The following ST6GAL1 variants were observed in gnomAD, a reference collection of about 807,000 sequenced individuals.
ST6GAL1 encodes the protein beta-galactoside alpha-2,6-sialyltransferase 1.
A neutral mutation model predicts 38.0 loss-of-function variants in ST6GAL1; 20 were observed. The observed-to-expected ratio is 0.53, with a 90% CI of 0.37 to 0.77. The LOEUF (loss-of-function observed/expected upper bound fraction) is 0.77, where lower values mean the gene tolerates loss of function less well. Ranked by LOEUF, ST6GAL1 falls within the 30% of genes least tolerant of loss-of-function variation. The pLI, the probability that ST6GAL1 is intolerant of heterozygous loss-of-function variation, is 0.00. For missense variants in ST6GAL1, 432 were observed against 496.4 expected (o/e 0.87, Z 1.23); for synonymous variants, 196 against 188.2 (o/e 1.04, Z -0.34).
At chr3:186,975,622 C>G (rs1295058897) in intron 2 of ST6GAL1, among the ~76,000 whole-genome samples, 1 of 152,204 alleles carries the variant, frequency 6.6e-6, no homozygotes, top group Non-Finnish European at 1.5e-5. Flanking sequence ...TTTGTACTCT[C>G]CCATCCACTT....
intron 2 of ST6GAL1, among the ~76,000 whole-genome samples, chr3:186,975,708 CTG>C (rs1241353245): frequency 6.6e-6 from 1 of 152,194 alleles, no homozygotes; most frequent in African/African-American, 2.4e-5. Context: ...AAACAGAACA[CTG>C]TACCCATGAA....
chr3:187,011,577 C>T (rs4686836), intron 2 of ST6GAL1, among the ~76,000 whole-genome samples: 111,963 of 152,038 alleles, frequency 0.74, 41,678 homozygotes, highest in South Asian at 0.84. Context: ...GAAACAACCT[C>T]CTGCTCTTTT....
chr3:186,945,547 G>A (rs901734995), intron 1 of ST6GAL1, among the ~76,000 whole-genome samples: 8 of 152,076 alleles, frequency 5.3e-5, no homozygotes, highest in South Asian at 2.1e-4. Flanking sequence ...CTCTTAATCC[G>A]TTCAAATAGA....
chr3:187,069,657 G>T (rs149452136), intron 5 of ST6GAL1, among the ~76,000 whole-genome samples: 8 of 152,240 alleles, frequency 5.3e-5, no homozygotes, highest in African/African-American at 1.9e-4. Context: ...AGCATGTTTA[G>T]ATCTTCCTTA....
chr3:186,967,322 G>T (rs1410636348), intron 2 of ST6GAL1, among the ~76,000 whole-genome samples: 1 of 152,172 alleles, frequency 6.6e-6, no homozygotes, highest in Non-Finnish European at 1.5e-5. Flanking sequence ...CTCCCAAGTA[G>T]CTGAGATTAC....
chr3:187,018,526 G>A (rs888452251), intron 2 of ST6GAL1, among the ~76,000 whole-genome samples: 1 of 152,146 alleles, frequency 6.6e-6, no homozygotes, highest in African/African-American at 2.4e-5. Context: ...TCTGATGTTC[G>A]AGGGCAGGAA....
intron 1 of ST6GAL1, among the ~76,000 whole-genome samples, chr3:186,940,869 G>GTCCATCATTT (rs1445985822): frequency 6.9e-6 from 1 of 145,926 alleles, no homozygotes; most frequent in Admixed American, 7.0e-5. Flanking sequence ...GGACATTTAT[G>GTCCATCATTT]TATTCCCATA....
intron 2 of ST6GAL1, among the ~76,000 whole-genome samples, chr3:187,030,634 G>A (rs904678244): frequency 1.3e-5 from 2 of 151,966 alleles, no homozygotes; most frequent in African/African-American, 2.4e-5. Flanking sequence ...AGGTTTCACC[G>A]TGTTGGCTAG....
chr3:187,067,081 C>CTTTTTTTTTTTTTTTTTTTT (rs763013682), intron 5 of ST6GAL1, among the ~76,000 whole-genome samples: 10 of 93,036 alleles, frequency 1.1e-4, no homozygotes, highest in Non-Finnish European at 1.4e-4. Flanking sequence ...TTCTTTCTTT[C>CTTTTTTTTTTTTTTTTTTTT]TTTTTTTTTT....
chr3:186,961,311 A>G (rs1268198981), intron 1 of ST6GAL1, among the ~76,000 whole-genome samples: 3 of 152,066 alleles, frequency 2.0e-5, no homozygotes, highest in Non-Finnish European at 2.9e-5. Flanking sequence ...TTTGCTTGTC[A>G]TGGTTCCACC....
intron 5 of ST6GAL1, among the ~76,000 whole-genome samples, chr3:187,064,991 G>A (rs2108597363): frequency 7.1e-6 from 1 of 141,062 alleles, no homozygotes; most frequent in Admixed American, 7.5e-5. Flanking sequence ...CCTGACAGCA[G>A]CTCTCTTCTT....
intron 2 of ST6GAL1, among the ~76,000 whole-genome samples, chr3:187,012,290 C>A (rs1042845828): frequency 6.6e-6 from 1 of 151,594 alleles, no homozygotes; most frequent in Admixed American, 6.6e-5. Flanking sequence ...CAGGGTCCTG[C>A]TCTGTCTCCC....
rs1715500378 is a variant in ST6GAL1 at position 186,975,739 on chromosome 3, C to T, written c.-183+11813C>T. Among the ~76,000 whole-genome samples the T allele has an allele frequency of 3.9e-5, 6 of 152,192 alleles. No homozygotes were observed. In the South Asian group the frequency reaches 1.2e-3, roughly 32 times the overall value. ...CCATGAAAGGCAGTGCCAGGGCAGG[C>T]AGTGGAGAGAGACTTCCAGAGAGGG... On this transcript the variant is annotated intron_variant, in intron 2 of 7. Transcript: ENST00000169298.
intron 4 of ST6GAL1, among the ~76,000 whole-genome samples, chr3:187,045,370 C>T (rs1718261517): frequency 1.3e-5 from 2 of 152,136 alleles, no homozygotes; most frequent in South Asian, 4.1e-4. Flanking sequence ...TCTCACAAAC[C>T]AGCCAATGGT....
rs1051799588 is a variant in ST6GAL1 at position 187,077,223 on chromosome 3, G to A, written c.*1420G>A. On this transcript the variant is annotated 3_prime_UTR_variant, in exon 8 of 8. Coordinates refer to ENST00000169298, the MANE Select transcript of ST6GAL1 (RefSeq NM_173216.2). ...AGCAACTTCAGGCTCTCTGGGCAGA[G>A]GCTGGCCCACTGTAGTTTGCAGACA... 4 of 370,940 alleles carry A rather than the reference G, an allele frequency of 1.1e-5. No individual in the cohort carries two copies. Among genetic ancestry groups the A allele is most frequent in the African/African-American group, 6.3e-5 (3 of 47,876 alleles). 23.0% of individuals were successfully genotyped at this position (370,940 alleles called of 1,614,324 possible).
At chr3:187,060,039 T>A (rs1372590145) in intron 5 of ST6GAL1, among the ~76,000 whole-genome samples, 1 of 151,648 alleles carries the variant, frequency 6.6e-6, no homozygotes. Context: ...ATGGGTACAG[T>A]TTTGTGTGGA....
At chr3:187,055,232 A>T (rs1351582069) in intron 5 of ST6GAL1, among the ~76,000 whole-genome samples, 3 of 62,856 alleles carry the variant, frequency 4.8e-5, no homozygotes, top group African/African-American at 1.9e-4. Flanking sequence ...AATTTTGTTG[A>T]TCTTTTCAAA....
chr3:186,994,268 G>A (rs2108547839), intron 2 of ST6GAL1, among the ~76,000 whole-genome samples: 1 of 152,336 alleles, frequency 6.6e-6, no homozygotes, highest in South Asian at 2.1e-4. Flanking sequence ...ATGAATTCGA[G>A]TTCTCTCAGT....
chr3:187,043,898 C>T (rs999061572), intron 4 of ST6GAL1: 1 of 152,208 alleles, frequency 6.6e-6, no homozygotes, highest in Non-Finnish European at 1.5e-5. Context: ...CAGCTTTTCT[C>T]TTTGAAAAGA....
Sources: allele counts gnomAD v4.1 joint callset (sites outside exome capture counted in the v4.1 genomes callset), GRCh38; gene constraint gnomAD v4.1.1; transcripts MANE v1.5; gene names NCBI Gene and HGNC (gene_info 2026-07-23, HGNC 2026-07-21).